The following METTL15 variants were observed in gnomAD, a reference collection of about 807,000 sequenced individuals.
METTL15 encodes methyltransferase 15, mitochondrial 12S rRNA N4-cytidine.
Under a neutral mutation model 38.3 loss-of-function variants are expected in METTL15, and 34 were observed. That is an observed-to-expected ratio of 0.89 (90% CI 0.68 to 1.18). The LOEUF (loss-of-function observed/expected upper bound fraction) is 1.18, where lower values mean the gene tolerates loss of function less well. Among genes scored for constraint, METTL15 ranks in the 50% most tolerant of loss-of-function variants. The probability of loss-of-function intolerance (pLI) is 0.00; values close to 1 mark genes in which losing one functional copy is unlikely to be tolerated. For synonymous variants in METTL15, 162 were observed against 170.9 expected, an observed-to-expected ratio of 0.95 and a Z score of 0.41; for missense variants, 438 against 498.4, an observed-to-expected ratio of 0.88 and a Z score of 1.15.
chr11:28,246,839 C>T (rs1057061966), intron 4 of METTL15, among the ~76,000 whole-genome samples: 3 of 152,116 alleles, frequency 2.0e-5, no homozygotes, highest in Non-Finnish European at 4.4e-5. Context: ...CCACATGTGG[C>T]AGCTAGTTAA....
chr11:28,173,631 C>A (rs1165049730), intron 3 of METTL15, among the ~76,000 whole-genome samples: 1 of 152,174 alleles, frequency 6.6e-6, no homozygotes, highest in Admixed American at 6.5e-5. Flanking sequence ...AATACTGATA[C>A]ACAATCATTA....
intron 5 of METTL15, among the ~76,000 whole-genome samples, chr11:28,400,450 C>A (rs886588098): frequency 6.6e-6 from 1 of 151,954 alleles, no homozygotes; most frequent in African/African-American, 2.4e-5. Context: ...CTCAGATAAA[C>A]ATCAAGCTGG....
intron 3 of METTL15, among the ~76,000 whole-genome samples, chr11:28,192,433 T>TTG (rs1457115998): frequency 2.0e-5 from 3 of 148,458 alleles, no homozygotes; most frequent in Admixed American, 2.0e-4. Flanking sequence ...TGATTTGCCT[T>TTG]TTTTTTTTTT....
chr11:28,423,991 T>C (rs1850843530), intron 5 of METTL15, among the ~76,000 whole-genome samples: 2 of 152,056 alleles, frequency 1.3e-5, no homozygotes, highest in Non-Finnish European at 2.9e-5. Context: ...TATTATGTAC[T>C]CATAAAACTT....
chr11:28,124,232 C>T (rs1197805489), intron 3 of METTL15, among the ~76,000 whole-genome samples: 1 of 152,058 alleles, frequency 6.6e-6, no homozygotes, highest in Non-Finnish European at 1.5e-5. Flanking sequence ...CTAGAGGACA[C>T]CCTAGAAGAT....
chr11:28,417,645 A>G (rs1323545115), intron 5 of METTL15, among the ~76,000 whole-genome samples: 2 of 152,034 alleles, frequency 1.3e-5, no homozygotes, highest in Admixed American at 6.6e-5. Context: ...GCAGTGTGTA[A>G]TTTTTCTTGG....
chr11:28,519,588 A>G (rs1851747591), intron 6 of METTL15, among the ~76,000 whole-genome samples: 1 of 151,998 alleles, frequency 6.6e-6, no homozygotes, highest in Non-Finnish European at 1.5e-5. Flanking sequence ...AGAGATCATA[A>G]GCCACATGCA....
chr11:28,369,139 C>A (rs1489073020), intron 5 of METTL15, among the ~76,000 whole-genome samples: 1 of 151,920 alleles, frequency 6.6e-6, no homozygotes, highest in African/African-American at 2.4e-5. Flanking sequence ...TACCCCAGAA[C>A]TTAAAGCATA....
intron 6 of METTL15, among the ~76,000 whole-genome samples, chr11:28,303,257 T>C (rs919269261): frequency 1.3e-5 from 2 of 152,188 alleles, no homozygotes; most frequent in Non-Finnish European, 2.9e-5. Context: ...ACTTGAATAA[T>C]TCTAGACCTC....
intron 4 of METTL15, among the ~76,000 whole-genome samples, chr11:28,244,814 A>T (rs1854444160): frequency 6.6e-6 from 1 of 152,194 alleles, no homozygotes; most frequent in African/African-American, 2.4e-5. Context: ...ACTAGAGCTC[A>T]AGGACCTGGG....
chr11:28,514,352 A>C (rs1447049215), intron 6 of METTL15, among the ~76,000 whole-genome samples: 1 of 152,188 alleles, frequency 6.6e-6, no homozygotes, highest in African/African-American at 2.4e-5. Flanking sequence ...TGTGTTTATA[A>C]GATCTGAGAC....
At chr11:28,176,535 T>A (rs1004190102) in intron 3 of METTL15, among the ~76,000 whole-genome samples, 1 of 152,184 alleles carries the variant, frequency 6.6e-6, no homozygotes, top group Non-Finnish European at 1.5e-5. Context: ...TTAAATCAGT[T>A]AATATTAGGA....
At chr11:28,241,694 A>C (rs1854305667) in intron 4 of METTL15, among the ~76,000 whole-genome samples, 1 of 152,156 alleles carries the variant, frequency 6.6e-6, no homozygotes, top group South Asian at 2.1e-4. Context: ...GTTAGAATGG[A>C]ATGAATCTGA....
chr11:28,444,881 T>G (rs903501408), intron 6 of METTL15, among the ~76,000 whole-genome samples: 3 of 152,168 alleles, frequency 2.0e-5, no homozygotes, highest in African/African-American at 7.2e-5. Flanking sequence ...TATAAGAGTT[T>G]CTTATTTTGC....
At chr11:28,308,895 GATA>G (rs1425711772) in intron 6 of METTL15, among the ~76,000 whole-genome samples, 6 of 144,612 alleles carry the variant, frequency 4.1e-5, no homozygotes, top group East Asian at 4.4e-4. Context: ...TAGGTAGGTA[GATA>G]GATAGATAGA....
In METTL15 at chr11:28,382,303, A is replaced by G. The variant is rs550375554; in HGVS notation, c.*358+20267A>G. On this transcript the variant is annotated intron_variant and NMD_transcript_variant, in intron 5 of 7. Transcript: ENST00000532947. ...CAGAGCAGAGTTTCCAAGTCTGGGG[A>G]TGATAGTTCTGTGTCCACACTTTGT... Among the ~76,000 whole-genome samples the G allele has an allele frequency of 1.1e-4, 16 of 152,194 alleles. No individual in the cohort carries two copies. The South Asian group carries it at 3.3e-3, about 32-fold the overall frequency.
chr11:28,235,004 A>G (rs1316610210), intron 4 of METTL15, among the ~76,000 whole-genome samples: 2 of 152,024 alleles, frequency 1.3e-5, no homozygotes, highest in Non-Finnish European at 2.9e-5. Context: ...GAAGGGATCC[A>G]GTTTCAGCTT....
chr11:28,306,928 G>C (rs897435300), intron 6 of METTL15, among the ~76,000 whole-genome samples: 1 of 151,810 alleles, frequency 6.6e-6, no homozygotes, highest in Non-Finnish European at 1.5e-5. Flanking sequence ...AAAAATTATG[G>C]AATATCTAGG....
At chr11:28,169,276 G>A (rs570393917) in intron 3 of METTL15, among the ~76,000 whole-genome samples, 88 of 152,264 alleles carry the variant, frequency 5.8e-4, no homozygotes, top group African/African-American at 2.0e-3. Context: ...TTCAGGAGCC[G>A]TGGCTGTTAT....
Sources: allele counts gnomAD v4.1 joint callset (sites outside exome capture counted in the v4.1 genomes callset), GRCh38; gene constraint gnomAD v4.1.1; transcripts MANE v1.5; gene names NCBI Gene and HGNC (gene_info 2026-07-23, HGNC 2026-07-21).